TXNL1: variants seen among roughly 807,000 people sequenced by gnomAD.
TXNL1 encodes the protein thioredoxin-like protein 1.
Under a neutral mutation model 35.5 loss-of-function variants are expected in TXNL1, and 14 were observed. The observed-to-expected ratio is 0.39, with a 90% CI of 0.26 to 0.62. TXNL1 has a LOEUF of 0.62. TXNL1 is among the 20% of genes least tolerant of loss of function. TXNL1 has a pLI of 0.47. For synonymous variants in TXNL1, 110 were observed against 115.5 expected (o/e 0.95, Z 0.31); for missense variants, 263 against 349.7 (o/e 0.75, Z 1.98).
intron 1 of TXNL1, among the ~76,000 whole-genome samples, chr18:56,629,968 G>A (rs745565272): frequency 6.6e-6 from 1 of 152,132 alleles, no homozygotes; most frequent in Non-Finnish European, 1.5e-5. Context: ...GGAGGCCAAG[G>A]CAGGTGGATC....
At chr18:56,625,749 G>C (rs2024267088) in intron 2 of TXNL1, among the ~76,000 whole-genome samples, 1 of 152,152 alleles carries the variant, frequency 6.6e-6, no homozygotes, top group Admixed American at 6.5e-5. Flanking sequence ...CAGAGCTATA[G>C]AGTTGTTCCT....
rs79303221 is a variant in TXNL1 at position 56,631,641 on chromosome 18, G to A, written c.99-5184C>T. Among the ~76,000 whole-genome samples, 229 of 152,232 alleles carry A rather than the reference G, an allele frequency of 1.5e-3. 3 individuals are homozygous for A. The highest frequency in any genetic ancestry group is 3.4e-3 in the Middle Eastern group (1 of 294). ...AATGTATAAAGAAATAAACCCAGCC[G>A]GGCGCAGTGGCTCACGCCTGTAATC... On this transcript the variant is annotated intron_variant, in intron 1 of 7. Coordinates refer to ENST00000217515, the MANE Select transcript of TXNL1 (RefSeq NM_004786.3).
chr18:56,606,478 G>A (rs540375028), intron 7 of TXNL1, among the ~76,000 whole-genome samples: 40 of 152,306 alleles, frequency 2.6e-4, no homozygotes, highest in African/African-American at 9.1e-4. Flanking sequence ...ACTTGTCCTT[G>A]AACGATTGAA....
At chr18:56,608,478 G>GAA (rs1411943282) in intron 7 of TXNL1, 2 of 152,204 alleles carry the variant, frequency 1.3e-5, no homozygotes. Context: ...AAGGGGCTAA[G>GAA]AAGCCCAGAA....
In TXNL1 at chr18:56,603,063, A is replaced by G. The variant is rs1269124583; in HGVS notation, c.841-7T>C. On this transcript the variant is annotated splice_polypyrimidine_tract_variant and splice_region_variant and intron_variant, in intron 7 of 7. Transcript: ENST00000217515. ...CTCCTTTTTTGCCAACTACCTAGAA[A>G]AACAAAAATAAGTTTATATGTACAT... 9.3e-6 allele frequency: 15 copies of G among 1,611,520 alleles called. No individual in the cohort carries two copies. The highest frequency in any genetic ancestry group is 1.1e-5 in the Non-Finnish European group (13 of 1,178,008).
chr18:56,603,905 A>G (rs1404526118), intron 7 of TXNL1, among the ~76,000 whole-genome samples: 3 of 152,198 alleles, frequency 2.0e-5, no homozygotes, highest in African/African-American at 7.2e-5. Flanking sequence ...GTACATTTAT[A>G]TATTTAATTT....
At chr18:56,621,374 T>G (rs2024181022) in intron 3 of TXNL1, among the ~76,000 whole-genome samples, 3 of 152,032 alleles carry the variant, frequency 2.0e-5, no homozygotes, top group African/African-American at 7.2e-5. Context: ...TTTGTATTTT[T>G]GGTAGAGATG....
At chr18:56,636,212 A>C (rs920167684) in intron 1 of TXNL1, among the ~76,000 whole-genome samples, 1 of 152,162 alleles carries the variant, frequency 6.6e-6, no homozygotes, top group Non-Finnish European at 1.5e-5. Flanking sequence ...GAGTGCATAA[A>C]GCATAGAGGT....
chr18:56,633,983 C>CAA lies in TXNL1; in HGVS notation c.98+4358_98+4359dup, dbSNP rs71169380. On this transcript the variant is annotated intron_variant, in intron 1 of 7. Transcript: ENST00000217515. ...TGGATGACAGAGCAAGACTCCATCT[C>CAA]AAAAAAAAAAAAAAAAAAAAAAAAA... is the stretch of plus-strand genomic sequence containing the variant. 6.8e-3 allele frequency among the ~76,000 whole-genome samples: 351 copies of CAA among 51,284 alleles called. 23 individuals carry two copies. The highest frequency in any genetic ancestry group is 0.03 in the South Asian group (26 of 862). The allele number at this position is 51,284 out of a possible 152,430, so 33.6% of individuals were successfully genotyped here.
At chr18:56,626,139 AT>A in intron 2 of TXNL1, 1 of 1,201,566 alleles carries the variant, frequency 8.3e-7, no homozygotes, top group Non-Finnish European at 1.1e-6. Context: ...TTAATTTTAT[AT>A]CAGAAGGTGA....
At chr18:56,626,797 C>CTTTTTTTTTTTTTTTTTTTTTTTTTTT (rs386387792) in intron 1 of TXNL1, among the ~76,000 whole-genome samples, 1 of 55,010 alleles carries the variant, frequency 1.8e-5, no homozygotes. Flanking sequence ...CCAAGCCGGT[C>CTTTTTTTTTTTTTTTTTTTTTTTTTTT]TTTTTTTTTT....
chr18:56,603,508 G>C (rs2023841117), intron 7 of TXNL1, among the ~76,000 whole-genome samples: 1 of 151,970 alleles, frequency 6.6e-6, no homozygotes, highest in South Asian at 2.1e-4. Flanking sequence ...TCAATACACT[G>C]ACATGCAATG....
intron 3 of TXNL1, among the ~76,000 whole-genome samples, chr18:56,621,622 G>C (rs900657572): frequency 1.3e-5 from 2 of 152,204 alleles, no homozygotes; most frequent in African/African-American, 4.8e-5. Flanking sequence ...CCTGCAATGA[G>C]AAATAAATGT....
chr18:56,626,934 A>G (rs2024294357), intron 1 of TXNL1, among the ~76,000 whole-genome samples: 1 of 146,850 alleles, frequency 6.8e-6, no homozygotes, highest in Non-Finnish European at 1.5e-5. Flanking sequence ...CCTTCCAAGT[A>G]GCTGCAACTA....
chr18:56,616,591 A>C (rs1598916311), intron 4 of TXNL1, among the ~76,000 whole-genome samples: 2 of 152,246 alleles, frequency 1.3e-5, no homozygotes, highest in South Asian at 2.1e-4. Flanking sequence ...TATGAGCTAT[A>C]AACTGGCAAG....
intron 1 of TXNL1, among the ~76,000 whole-genome samples, chr18:56,635,632 T>C (rs2144343073): frequency 6.6e-6 from 1 of 152,338 alleles, no homozygotes; most frequent in African/African-American, 2.4e-5. Flanking sequence ...TACTGCTTAA[T>C]GGGTACAGTT....
At chr18:56,618,728 A>G (rs551903763) in intron 3 of TXNL1, among the ~76,000 whole-genome samples, 1 of 152,128 alleles carries the variant, frequency 6.6e-6, no homozygotes, top group African/African-American at 2.4e-5. Flanking sequence ...ATTCATGAAC[A>G]TTTCAGTATG....
chr18:56,607,933 A>C (rs2023927818), intron 7 of TXNL1, among the ~76,000 whole-genome samples: 1 of 152,214 alleles, frequency 6.6e-6, no homozygotes, highest in African/African-American at 2.4e-5. Flanking sequence ...CCCACACTTA[A>C]GAGAATGGTT....
intron 1 of TXNL1, among the ~76,000 whole-genome samples, chr18:56,628,594 C>T (rs1017311780): frequency 1.3e-5 from 2 of 152,148 alleles, no homozygotes; most frequent in African/African-American, 4.8e-5. Context: ...TATATGACTA[C>T]ATACAGTTCA....
Sources: allele counts gnomAD v4.1 joint callset (sites outside exome capture counted in the v4.1 genomes callset), GRCh38; gene constraint gnomAD v4.1.1; transcripts MANE v1.5; gene names NCBI Gene and HGNC (gene_info 2026-07-23, HGNC 2026-07-21).